The following ABCC9 variants were observed in gnomAD, a reference collection of about 807,000 sequenced individuals.
The protein encoded by ABCC9 is ATP-binding cassette sub-family C member 9.
A neutral mutation model predicts 188.3 loss-of-function variants in ABCC9; 95 were observed. The observed-to-expected ratio is 0.50, with a 90% CI of 0.43 to 0.60. ABCC9 has a LOEUF of 0.60. ABCC9 is among the 20% of genes least tolerant of loss of function. The pLI is 0.00. For missense variants in ABCC9, 1,102 were observed against 1,876.3 expected (o/e 0.59, Z 7.62); for synonymous variants, 659 against 652.7 (o/e 1.01, Z -0.15).
At chr12:21,818,998 C>G (rs1354361662) in intron 31 of ABCC9, among the ~76,000 whole-genome samples, 1 of 152,064 alleles carries the variant, frequency 6.6e-6, no homozygotes, top group Non-Finnish European at 1.5e-5. Flanking sequence ...ATGGACATGT[C>G]TTAATGTATT....
chr12:21,863,109 G>A (rs377588875), intron 19 of ABCC9, 55 bp from the exon 20 acceptor site: 49 of 1,138,098 alleles, frequency 4.3e-5, no homozygotes, highest in African/African-American at 2.5e-4. Flanking sequence ...GGTACTGTGC[G>A]TGTATGTATT....
intron 29 of ABCC9, among the ~76,000 whole-genome samples, chr12:21,842,084 T>A (rs1216074771): frequency 6.6e-6 from 1 of 152,176 alleles, no homozygotes; most frequent in Admixed American, 6.5e-5. Context: ...CTTTAAATCA[T>A]CTGTATGTTA....
intron 34 of ABCC9, 24 bp downstream of exon 34, chr12:21,815,739 A>G: frequency 6.2e-7 from 1 of 1,611,046 alleles, no homozygotes; most frequent in Non-Finnish European, 8.5e-7. Context: ...TGTATACAAC[A>G]TATCAAATGC....
intron 33 of ABCC9, among the ~76,000 whole-genome samples, chr12:21,816,640 G>C (rs1445134363): frequency 6.6e-6 from 1 of 152,134 alleles, no homozygotes; most frequent in Non-Finnish European, 1.5e-5. Flanking sequence ...CATGAAAGAT[G>C]GGCAAGGGTT....
intron 32 of ABCC9, 146 bp downstream of exon 32, chr12:21,818,004 T>G: frequency 2.4e-6 from 1 of 416,488 alleles, no homozygotes; most frequent in South Asian, 1.7e-5. Context: ...CTAAGTTCCC[T>G]CCCCTCACCC....
intron 18 of ABCC9, among the ~76,000 whole-genome samples, chr12:21,868,311 T>C (rs1013419758): frequency 6.6e-6 from 1 of 152,198 alleles, no homozygotes; most frequent in African/African-American, 2.4e-5. Flanking sequence ...CTTTACTCGA[T>C]TTTGTTCATG....
Position 21,863,655 on chromosome 12 carries a change from C to T in ABCC9, c.2238-601G>A, listed in dbSNP as rs150385086. The stretch of plus-strand genomic sequence containing the variant: ...TCGCTTATATTTTAAAAATAACTAC[C>T]TCCCCCCTTTTGACTTGCAAATTCT... On this transcript the variant is annotated intron_variant, in intron 19 of 39. Coordinates refer to ENST00000261200, the MANE Select transcript of ABCC9 (RefSeq NM_020297.4). Among the ~76,000 whole-genome samples, 333 of 152,076 alleles carry T rather than the reference C, an allele frequency of 2.2e-3. 4 individuals are homozygous for T. In the South Asian group the frequency reaches 0.036, roughly 16 times the overall value.
In ABCC9 at chr12:21,861,035, G is replaced by T; in HGVS notation, c.2360C>A (p.Ala787Asp). ...NKQRYKAVTD[A>D]CSLQPDIDLL... ...GTCAATATCTGGCTGAAGAGAACAG[G>T]CATCTGTGACAGCTTTGTACCTTTG... Residue 787 changes from alanine to aspartate, a missense_variant, in exon 21 of 40, where the codon GCC becomes GAC. By Grantham distance (126) the Ala-to-Asp change is moderately radical. Around this residue, in one of 12 missense-constraint regions of ABCC9, gnomAD observed 258 missense variants for 325.6 expected, o/e 0.79. Transcript: ENST00000261200. 6.2e-7 allele frequency: 1 copy of T among 1,613,478 alleles called. No homozygotes were observed. Among genetic ancestry groups the T allele is most frequent in the Non-Finnish European group, 8.5e-7 (1 of 1,179,736 alleles).
At chr12:21,915,355 A>ATGTG (rs1948524328) in intron 7 of ABCC9, among the ~76,000 whole-genome samples, 1 of 145,122 alleles carries the variant, frequency 6.9e-6, no homozygotes, top group South Asian at 2.2e-4. Flanking sequence ...GTATGTATAT[A>ATGTG]TAATGTGTAT....
At chr12:21,809,475 A>G (rs1942081742) in intron 37 of ABCC9, among the ~76,000 whole-genome samples, 1 of 152,132 alleles carries the variant, frequency 6.6e-6, no homozygotes, top group Non-Finnish European at 1.5e-5. Context: ...AAAGACTTAA[A>G]CCTAACAGCT....
In ABCC9 at chr12:21,836,723, C is replaced by T. The variant is rs145215719; in HGVS notation, c.3566+1355G>A. 2.8e-4 allele frequency among the ~76,000 whole-genome samples: 42 copies of T among 152,190 alleles called. 1 individual carries two copies. The East Asian group carries it at 7.7e-3, about 28-fold the overall frequency. On this transcript the variant is annotated intron_variant, in intron 30 of 39. Coordinates refer to ENST00000261200, the MANE Select transcript of ABCC9 (RefSeq NM_020297.4). ...TCAATATATATTTATTGAGCACTTA[C>T]TTAGTCCCAGGCACTTTTCCCAGCT...
chr12:21,928,687 A>G (rs1419761755), intron 4 of ABCC9, among the ~76,000 whole-genome samples: 6 of 152,226 alleles, frequency 3.9e-5, no homozygotes, highest in African/African-American at 1.4e-4. Flanking sequence ...AAAGGAAGCA[A>G]TAACAAAGAT....
At chr12:21,907,687 A>C (rs1379921734) in intron 11 of ABCC9, among the ~76,000 whole-genome samples, 1 of 151,976 alleles carries the variant, frequency 6.6e-6, no homozygotes, top group Non-Finnish European at 1.5e-5. Context: ...GGGAAATATA[A>C]TTTCAGAAGC....
In ABCC9 at chr12:21,816,323, C is replaced by T. The variant is rs867773133; in HGVS notation, c.3893-430G>A. 4.6e-5 allele frequency among the ~76,000 whole-genome samples: 7 copies of T among 152,000 alleles called. No homozygotes were observed. The South Asian group carries it at 6.2e-4, about 14-fold the overall frequency. On this transcript the variant is annotated intron_variant, in intron 33 of 39. Transcript: ENST00000261200. ...GTACAAGGTGCTGGGAATATGGAGA[C>T]GAAAGACACAGCTCAAGGTGCTTTC...
intron 5 of ABCC9, chr12:21,925,609 C>T (rs757890042): frequency 1.6e-5 from 11 of 672,396 alleles, no homozygotes; most frequent in African/African-American, 5.4e-5. Context: ...CAGCTCCTCA[C>T]AAGAGCTCTG....
At chr12:21,850,568 T>C (rs1944911206) in intron 24 of ABCC9, among the ~76,000 whole-genome samples, 1 of 152,190 alleles carries the variant, frequency 6.6e-6, no homozygotes. Flanking sequence ...TATACAGCTA[T>C]GCTATCTCAA....
At chr12:21,873,152 G>C (rs1460863159) in intron 17 of ABCC9, among the ~76,000 whole-genome samples, 6 of 151,720 alleles carry the variant, frequency 4.0e-5, no homozygotes, top group Admixed American at 3.9e-4. Context: ...TTATAAATTT[G>C]TTTTGCATTT....
Position 21,806,031 on chromosome 12 carries a change from T to C in ABCC9, c.4479A>G (p.Thr1493=). 6.2e-7 allele frequency: 1 copy of C among 1,613,756 alleles called. No individual in the cohort carries two copies. The highest frequency in any genetic ancestry group is 8.5e-7 in the Non-Finnish European group (1 of 1,179,832). The part of the protein sequence containing the change: ...TENILQKVVM[T]AFADRTVVTI... ...TCACCACGGTCCGGTCTGCAAAGGC[T>C]GTCATTACTACTTTTTGCAAAATAT... Residue 1493 remains threonine (T), a synonymous_variant, in exon 39 of 40, where the codon ACA becomes ACG. Transcript: ENST00000261200.
chr12:21,833,207 A>C (rs1192780715), intron 30 of ABCC9, among the ~76,000 whole-genome samples: 1 of 152,150 alleles, frequency 6.6e-6, no homozygotes. Context: ...CCAAAATCTC[A>C]GAAATTATCA....
Sources: allele counts gnomAD v4.1 joint callset (sites outside exome capture counted in the v4.1 genomes callset), GRCh38; gene constraint gnomAD v4.1.1; regional missense constraint gnomAD v4.1.1; transcripts MANE v1.5; gene names NCBI Gene and HGNC (gene_info 2026-07-23, HGNC 2026-07-21).